Variants in GPT2 observed in about 807,000 individuals in gnomAD.
GPT2 encodes the protein glutamic--pyruvic transaminase 2.
In GPT2, 30 loss-of-function variants were observed where a neutral mutation model predicts 56.9. The observed-to-expected ratio is 0.53, with a 90% confidence interval of 0.39 to 0.72. The LOEUF (loss-of-function observed/expected upper bound fraction) is 0.72, where lower values mean the gene tolerates loss of function less well. Among genes scored for constraint, GPT2 ranks in the 30% least tolerant of loss-of-function variants. The pLI is 0.00. For missense variants in GPT2, 542 were observed against 703.4 expected, an observed-to-expected ratio of 0.77 and a Z score of 2.60; for synonymous variants, 271 against 283.1, an observed-to-expected ratio of 0.96 and a Z score of 0.43.
At chr16:46,889,558 A>G (rs1468045097) in intron 2 of GPT2, among the ~76,000 whole-genome samples, 1 of 152,048 alleles carries the variant, frequency 6.6e-6, no homozygotes, top group African/African-American at 2.4e-5. Flanking sequence ...CTTGGCCTAG[A>G]TGCTACTTTA....
In GPT2 at chr16:46,918,695, C is replaced by T. The variant is rs569695348; in HGVS notation, c.975C>T (p.Pro325=). Residue 325 remains proline, a synonymous_variant, in exon 8 of 12, where the codon CCC becomes CCT. Coordinates refer to ENST00000340124, the MANE Select transcript of GPT2 (RefSeq NM_133443.4). ...AGAAGGTGCTGTACGAGATGGGGCC[C>T]GAGTACTCCAGCAACGTGGAGCTCG... is the stretch of plus-strand genomic sequence containing the variant. ...SFKKVLYEMG[P]EYSSNVELAS... The T allele has an allele frequency of 4.4e-5, 71 of 1,614,210 alleles. No homozygotes were observed. In the East Asian group the frequency reaches 6.2e-4, roughly 14 times the overall value.
intron 4 of GPT2, 82 bp from the exon 5 acceptor site, chr16:46,906,760 C>G (rs1567337832): frequency 2.6e-6 from 4 of 1,555,798 alleles, no homozygotes; most frequent in Non-Finnish European, 3.5e-6. Context: ...AGGCATCCCT[C>G]TAATTATATG....
intron 10 of GPT2, 131 bp downstream of exon 10, chr16:46,924,675 A>G (rs1961367195): frequency 2.2e-6 from 2 of 914,958 alleles, no homozygotes; most frequent in Non-Finnish European, 3.4e-6. Flanking sequence ...CCTCTCGGCC[A>G]GAGGGTGTTG....
chr16:46,916,654 G>C lies in GPT2; in HGVS notation c.847G>C (p.Glu283Gln). 1 of 1,613,920 alleles carries C rather than the reference G, an allele frequency of 6.2e-7. No individual in the cohort carries two copies. Among genetic ancestry groups the C allele is most frequent in the Non-Finnish European group, 8.5e-7 (1 of 1,179,766 alleles). The change falls in exon 7 of 12, where the codon GAA (glutamate) becomes CAA (glutamine). Residue 283 changes from glutamate (E) to glutamine (Q), a missense_variant. Glu to Gln is a conservative substitution (Grantham distance 29). Coordinates refer to ENST00000340124, the MANE Select transcript of GPT2 (RefSeq NM_133443.4). The part of the protein sequence containing the change: ...TGQVQSRKCI[E>Q]DVIHFAWEEK... Reference sequence around the variant, plus strand: ...CCAGGTACAAAGCAGAAAGTGCATAGAAGATGTGATCCACTTTGCCTGGGA... The same window carrying C: ...CCAGGTACAAAGCAGAAAGTGCATACAAGATGTGATCCACTTTGCCTGGGA...
chr16:46,893,863 T>TGGCAGGGCCCTGAGGGCAG (rs1232761190), intron 2 of GPT2, among the ~76,000 whole-genome samples: 1 of 152,134 alleles, frequency 6.6e-6, no homozygotes, highest in Non-Finnish European at 1.5e-5. Context: ...CCCTCTGAGC[T>TGGCAGGGCCCTGAGGGCAG]GGCAGGGCCC....
rs546450033 is a variant in GPT2, at chr16:46,885,024, A to G, written c.243+66A>G. On this transcript the variant is annotated intron_variant, in intron 2 of 11. Transcript: ENST00000340124. ...GCAAGGGAAAAACCGCAGCAGCCCCAGCTGGGGTCCTTCCCACGACGTCCA... is the reference window on the plus strand; with the variant it reads ...GCAAGGGAAAAACCGCAGCAGCCCCGGCTGGGGTCCTTCCCACGACGTCCA... 84 of 1,395,670 alleles carry G rather than the reference A, an allele frequency of 6.0e-5. No individual in the cohort carries two copies. The African/African-American group carries it at 9.8e-4, about 16-fold the overall frequency. 86.5% of individuals were successfully genotyped at this position (1,395,670 alleles called of 1,614,324 possible). A position where few individuals can be genotyped will look rare whatever the true frequency, so the allele number is the denominator to read the frequency against.
Position 46,884,747 on chromosome 16 carries a change from G to A in GPT2, c.32G>A (p.Gly11Asp), listed in dbSNP as rs759241834. ...CGGGCGGCGGCGCTGGTCCGGCGGGGCTGTGGTCCCCGGACCCCCAGCTCC... is the reference window on the plus strand; with the variant it reads ...CGGGCGGCGGCGCTGGTCCGGCGGGACTGTGGTCCCCGGACCCCCAGCTCC... MQRAAALVRR[G>D]CGPRTPSSWG... The change falls in exon 2 of 12, where the codon GGC (glycine) becomes GAC (aspartate). Residue 11 changes from glycine to aspartate, a missense_variant. By Grantham distance (94) the Gly-to-Asp change is moderately conservative (BLOSUM62 -1). Transcript: ENST00000340124. 2 of 1,419,464 alleles carry A rather than the reference G, an allele frequency of 1.4e-6. No individual in the cohort carries two copies. The highest frequency in any genetic ancestry group is 1.8e-6 in the Non-Finnish European group (2 of 1,085,526). The allele number at this position is 1,419,464 out of a possible 1,614,324, so 87.9% of individuals were successfully genotyped here. A position where few individuals can be genotyped will look rare whatever the true frequency, so the allele number is the denominator to read the frequency against.
At chr16:46,918,993 G>A (rs2143530313) in intron 8 of GPT2, among the ~76,000 whole-genome samples, 1 of 152,364 alleles carries the variant, frequency 6.6e-6, no homozygotes, top group East Asian at 1.9e-4. Flanking sequence ...AGTGGAAACA[G>A]GACTACATGG....
intron 6 of GPT2, among the ~76,000 whole-genome samples, chr16:46,912,085 A>G (rs1165044835): frequency 6.6e-6 from 1 of 152,114 alleles, no homozygotes; most frequent in Non-Finnish European, 1.5e-5. Context: ...GAAAATAGAA[A>G]CCCACCTGTG....
At chr16:46,905,967 A>G (rs1960916730) in intron 4 of GPT2, among the ~76,000 whole-genome samples, 1 of 152,174 alleles carries the variant, frequency 6.6e-6, no homozygotes, top group African/African-American at 2.4e-5. Flanking sequence ...GTATGTTCAC[A>G]TGGGACTGGA....
rs191377737 is a variant in GPT2, at chr16:46,898,479, G to A, written c.333+742G>A. Among the ~76,000 whole-genome samples the A allele has an allele frequency of 2.5e-3, 383 of 152,344 alleles. 2 individuals carry two copies. The highest frequency in any genetic ancestry group is 3.4e-3 in the Middle Eastern group (1 of 294). ...AGATGCCCCAGGGCAGGACAGAGGC[G>A]GGAGACCCAGTGTGTGACAGCTTTT... On this transcript the variant is annotated intron_variant, in intron 3 of 11. Transcript: ENST00000340124.
At chr16:46,890,331 G>A (rs1279445686) in intron 2 of GPT2, among the ~76,000 whole-genome samples, 6 of 152,190 alleles carry the variant, frequency 3.9e-5, no homozygotes, top group Non-Finnish European at 7.4e-5. Flanking sequence ...TCAGGAGCCC[G>A]GGAGCATTTT....
chr16:46,906,809 G>A, intron 4 of GPT2, 33 bp from the exon 5 acceptor site: 1 of 1,609,320 alleles, frequency 6.2e-7, no homozygotes, highest in Non-Finnish European at 8.5e-7. Flanking sequence ...CAGACATCCT[G>A]CCTCTGTTAC....
At chr16:46,888,410 G>A (rs759773098) in intron 2 of GPT2, among the ~76,000 whole-genome samples, 3 of 151,966 alleles carry the variant, frequency 2.0e-5, no homozygotes, top group East Asian at 1.9e-4. Context: ...GCAGTGATGC[G>A]ATCTCATCTC....
At chr16:46,903,345 G>A (rs1332118072) in intron 4 of GPT2, among the ~76,000 whole-genome samples, 4 of 150,900 alleles carry the variant, frequency 2.7e-5, no homozygotes, top group Non-Finnish European at 4.4e-5. Context: ...GTCTTTCCCC[G>A]TCACCCAGGC....
rs1567337861 is a variant in GPT2, at chr16:46,906,828, C to G, written c.443-14C>G. 6.2e-7 allele frequency: 1 copy of G among 1,613,506 alleles called. No homozygotes were observed. Among genetic ancestry groups the G allele is most frequent in the Non-Finnish European group, 8.5e-7 (1 of 1,179,498 alleles). ...CATCCTGCCTCTGTTACTGTCTTGC[C>G]TGCTGTCTTACAGGGTCCTACAGTG... On this transcript the variant is annotated splice_polypyrimidine_tract_variant and intron_variant, in intron 4 of 11. Coordinates refer to ENST00000340124, the MANE Select transcript of GPT2 (RefSeq NM_133443.4).
chr16:46,919,807 A>C (rs561102159), intron 8 of GPT2, among the ~76,000 whole-genome samples: 1 of 152,134 alleles, frequency 6.6e-6, no homozygotes, highest in Non-Finnish European at 1.5e-5. Context: ...CTCCCAGGTG[A>C]GATATCGTGC....
At chr16:46,917,427 C>G (rs1961190122) in intron 7 of GPT2, among the ~76,000 whole-genome samples, 1 of 152,178 alleles carries the variant, frequency 6.6e-6, no homozygotes, top group African/African-American at 2.4e-5. Context: ...GCTTCTGTAT[C>G]TACTGTCTCA....
At chr16:46,901,083 G>A (rs1041027173) in intron 4 of GPT2, among the ~76,000 whole-genome samples, 1 of 152,228 alleles carries the variant, frequency 6.6e-6, no homozygotes, top group East Asian at 1.9e-4. Context: ...GCCTGCCTTC[G>A]TCACAGCAGG....
Sources: allele counts gnomAD v4.1 joint callset (sites outside exome capture counted in the v4.1 genomes callset), GRCh38; gene constraint gnomAD v4.1.1; transcripts MANE v1.5; gene names NCBI Gene and HGNC (gene_info 2026-07-23, HGNC 2026-07-21).